NEK1: variants seen among roughly 807,000 people sequenced by gnomAD.
NEK1 encodes the protein serine/threonine-protein kinase Nek1.
NEK1 carries 137 observed loss-of-function variants against 182.1 expected under a neutral mutation model. The ratio of observed to expected loss-of-function variants is 0.75; its 90% CI spans 0.65 to 0.87. NEK1 has a LOEUF of 0.87. Among genes scored for constraint, NEK1 ranks in the 40% least tolerant of loss-of-function variants. The pLI is 0.00. For missense variants in NEK1, 1,391 were observed against 1,494.4 expected (o/e 0.93, Z 1.14); for synonymous variants, 513 against 492.2 (o/e 1.04, Z -0.56).
intron 31 of NEK1, among the ~76,000 whole-genome samples, chr4:169,409,007 C>T (rs1733145245): frequency 6.6e-6 from 1 of 152,102 alleles, no homozygotes; most frequent in Admixed American, 6.5e-5. Flanking sequence ...ATTGCTGGAT[C>T]GAATGGTAGT....
At chr4:169,559,148 TCA>T (rs962191111) in intron 16 of NEK1, among the ~76,000 whole-genome samples, 21 of 152,316 alleles carry the variant, frequency 1.4e-4, no homozygotes, top group Admixed American at 1.2e-3. Context: ...GAAAATTGTC[TCA>T]GTTATTAAAC....
At chr4:169,514,317 T>C (rs921197529) in intron 19 of NEK1, among the ~76,000 whole-genome samples, 14 of 152,276 alleles carry the variant, frequency 9.2e-5, no homozygotes, top group Non-Finnish European at 2.1e-4. Context: ...TCATCAAAGA[T>C]ACTGGTCTGT....
chr4:169,501,925 AC>A (rs1458202357), intron 23 of NEK1, among the ~76,000 whole-genome samples: 1 of 152,048 alleles, frequency 6.6e-6, no homozygotes, highest in Non-Finnish European at 1.5e-5. Context: ...TTAAATTGAG[AC>A]CAAACAGCCA....
intron 27 of NEK1, among the ~76,000 whole-genome samples, chr4:169,461,583 A>G (rs1359341580): frequency 6.6e-6 from 1 of 152,158 alleles, no homozygotes; most frequent in African/African-American, 2.4e-5. Flanking sequence ...GCCACATGTG[A>G]TTTCGATGAT....
chr4:169,468,155 C>T lies in NEK1; in HGVS notation c.2435-4760G>A, dbSNP rs192247158. The stretch of plus-strand genomic sequence containing the variant: ...CAGATGAATCTCAAAAATCATTATG[C>T]TTTCAGCCAGAGGTGAGAGATTAGG... On this transcript the variant is annotated intron_variant, in intron 26 of 35. Coordinates refer to ENST00000507142, the MANE Select transcript of NEK1 (RefSeq NM_001199397.3). Among the ~76,000 whole-genome samples, 561 of 152,136 alleles carry T rather than the reference C, an allele frequency of 3.7e-3. 4 individuals carry two copies. The highest frequency in any genetic ancestry group is 4.8e-3 in the Non-Finnish European group (328 of 67,948).
intron 23 of NEK1, among the ~76,000 whole-genome samples, chr4:169,495,299 A>G (rs1751001582): frequency 7.4e-6 from 1 of 134,882 alleles, no homozygotes; most frequent in African/African-American, 2.7e-5. Flanking sequence ...GCTGGAGTGC[A>G]GTGGCGCGAT....
At chr4:169,597,529 CAG>C (rs61120373) in intron 5 of NEK1, among the ~76,000 whole-genome samples, 13,395 of 152,074 alleles carry the variant, frequency 0.088, 762 homozygotes, top group African/African-American at 0.16. Flanking sequence ...GCAGCTACTC[CAG>C]AGAGTGAGGT....
At chr4:169,460,338 TAA>T (rs60082117) in intron 27 of NEK1, among the ~76,000 whole-genome samples, 20 of 141,402 alleles carry the variant, frequency 1.4e-4, no homozygotes, top group Admixed American at 1.4e-4. Context: ...GGTGGCAGGT[TAA>T]AAAAAAAAAA....
chr4:169,565,953 G>C (rs193012078), intron 12 of NEK1, among the ~76,000 whole-genome samples: 2 of 152,246 alleles, frequency 1.3e-5, no homozygotes, highest in Non-Finnish European at 2.9e-5. Context: ...ATTACGTACA[G>C]TATGTGAATT....
intron 7 of NEK1, among the ~76,000 whole-genome samples, chr4:169,589,133 C>A (rs535052915): frequency 1.8e-4 from 28 of 152,236 alleles, no homozygotes; most frequent in African/African-American, 6.3e-4. Context: ...CAAATATATA[C>A]CATTGTGTTA....
At chr4:169,564,190 A>G (rs1414645785) in intron 12 of NEK1, among the ~76,000 whole-genome samples, 1 of 152,132 alleles carries the variant, frequency 6.6e-6, no homozygotes, top group African/African-American at 2.4e-5. Flanking sequence ...ATCATGTACC[A>G]GTGTTTACAT....
intron 5 of NEK1, among the ~76,000 whole-genome samples, chr4:169,595,560 C>G (rs968807154): frequency 1.3e-5 from 2 of 152,052 alleles, no homozygotes; most frequent in Non-Finnish European, 2.9e-5. Context: ...CAACCAAGGC[C>G]ATACCTGGAG....
chr4:169,491,285 T>A (rs979570094), intron 23 of NEK1, among the ~76,000 whole-genome samples: 3 of 151,766 alleles, frequency 2.0e-5, no homozygotes, highest in Admixed American at 6.6e-5. Context: ...ACAGGTTCAA[T>A]GCAAAGAGGT....
chr4:169,597,622 C>T (rs116523146), intron 5 of NEK1, among the ~76,000 whole-genome samples: 14,186 of 151,674 alleles, frequency 0.094, 751 homozygotes, highest in East Asian at 0.17. Context: ...GGTGACAGAG[C>T]GAGAGCCTAT....
intron 23 of NEK1, among the ~76,000 whole-genome samples, chr4:169,504,549 C>T (rs1415724089): frequency 6.6e-6 from 1 of 152,056 alleles, no homozygotes; most frequent in Admixed American, 6.5e-5. Context: ...ACTATTCAGC[C>T]ATAAAATAGA....
chr4:169,507,225 CT>C, intron 22 of NEK1, 93 bp from the exon 23 acceptor site: 1 of 712,310 alleles, frequency 1.4e-6, no homozygotes, highest in Non-Finnish European at 2.1e-6. Flanking sequence ...AAGATATTTA[CT>C]TATTAGCCAA....
At chr4:169,525,824 C>G (rs1181096807) in intron 19 of NEK1, among the ~76,000 whole-genome samples, 1 of 152,158 alleles carries the variant, frequency 6.6e-6, no homozygotes, top group African/African-American at 2.4e-5. Flanking sequence ...TAAAAAGGAA[C>G]AAACAACATA....
In NEK1 at chr4:169,482,605, G is replaced by A. The variant is rs191582730; in HGVS notation, c.2008-3071C>T. ...GAGACTACAGGCACCTGGCTGTTTC[G>A]CTTTCTTATCATGTGTGTTCACTGG... On this transcript the variant is annotated intron_variant, in intron 23 of 35. Transcript: ENST00000507142. Among the ~76,000 whole-genome samples the A allele has an allele frequency of 1.1e-4, 16 of 150,048 alleles. No homozygotes were observed. The East Asian group carries it at 2.2e-3, about 20-fold the overall frequency.
chr4:169,419,521 T>C (rs1466155297), intron 31 of NEK1, among the ~76,000 whole-genome samples: 4 of 152,170 alleles, frequency 2.6e-5, no homozygotes, highest in Admixed American at 6.5e-5. Flanking sequence ...TAAATGAATG[T>C]TTAAGCAAAA....
Sources: gnomAD v4.1 joint callset for allele counts (sites outside exome capture counted in the v4.1 genomes callset) on GRCh38, gnomAD v4.1.1 for gene constraint, MANE v1.5 for transcripts, NCBI Gene and HGNC (gene_info 2026-07-23, HGNC 2026-07-21) for gene names.